TENM2: variants seen among roughly 807,000 people sequenced by gnomAD.
The protein encoded by TENM2 is teneurin transmembrane protein 2.
In TENM2, 52 loss-of-function variants were observed where a neutral mutation model predicts 245.2. The ratio of observed to expected loss-of-function variants is 0.21; its 90% CI spans 0.17 to 0.27. The LOEUF (loss-of-function observed/expected upper bound fraction) is 0.27. TENM2 is among the 10% of genes least tolerant of loss of function. The pLI, the probability that TENM2 is intolerant of heterozygous loss-of-function variation, is 1.00. For synonymous variants in TENM2, 1,363 were observed against 1,438.9 expected, an observed-to-expected ratio of 0.95 and a Z score of 1.19; for missense variants, 3,046 against 3,666.8, an observed-to-expected ratio of 0.83 and a Z score of 4.37.
At chr5:168,146,366 G>C (rs543072125) in intron 12 of TENM2, among the ~76,000 whole-genome samples, 7 of 152,248 alleles carry the variant, frequency 4.6e-5, no homozygotes, top group Non-Finnish European at 7.4e-5. Flanking sequence ...ATATTAACCT[G>C]GTAGAAGAGA....
intron 2 of TENM2, among the ~76,000 whole-genome samples, chr5:167,385,533 TGGAGAACA>T (rs1193873875): frequency 4.6e-5 from 7 of 151,586 alleles, no homozygotes; most frequent in Admixed American, 6.6e-5. Context: ...CATAGGTTAT[TGGAGAACA>T]GGTGGTGTTT....
intron 2 of TENM2, among the ~76,000 whole-genome samples, chr5:167,533,264 G>A (rs186447102): frequency 1.8e-4 from 27 of 152,226 alleles, no homozygotes; most frequent in African/African-American, 2.4e-4. Flanking sequence ...TGGATAACCC[G>A]AAAAACAAGC....
chr5:168,081,773 G>T (rs1484392168), intron 7 of TENM2, among the ~76,000 whole-genome samples: 1 of 152,172 alleles, frequency 6.6e-6, no homozygotes, highest in Non-Finnish European at 1.5e-5. Context: ...CTCTCTTCTG[G>T]CTTGTAGAGT....
rs2127794580 is a variant in TENM2 at position 167,332,908 on chromosome 5, G to A, written c.227-42290G>A. Among the ~76,000 whole-genome samples, 4 of 152,258 alleles carry A rather than the reference G, an allele frequency of 2.6e-5. No individual in the cohort carries two copies. The South Asian group carries it at 8.3e-4, about 32-fold the overall frequency. ...AGAAGATACTGGCTATAGAGGTTAT[G>A]GCTGAGTCCCAAACTGAAGAGACAA... On this transcript the variant is annotated intron_variant, in intron 1 of 28. Coordinates refer to ENST00000518659, the Ensembl canonical transcript of TENM2.
chr5:167,170,534 G>A, the TENM2 span, among the ~76,000 whole-genome samples: 13 of 152,188 alleles, frequency 8.5e-5, no homozygotes, highest in African/African-American at 2.4e-4. Flanking sequence ...GGCATGTCAC[G>A]TATCATGTAA....
chr5:167,885,917 A>G (rs2151434724), intron 3 of TENM2, among the ~76,000 whole-genome samples: 1 of 152,278 alleles, frequency 6.6e-6, no homozygotes, highest in Admixed American at 6.5e-5. Context: ...TCCTGACCTC[A>G]GGTGATCCAC....
At chr5:167,027,238 G>A in the TENM2 span, among the ~76,000 whole-genome samples, 1 of 152,114 alleles carries the variant, frequency 6.6e-6, no homozygotes, top group African/African-American at 2.4e-5. Flanking sequence ...ACATTTTGAA[G>A]TTTTGAGAGT....
At chr5:167,811,051 G>T (rs537382984) in intron 2 of TENM2, among the ~76,000 whole-genome samples, 1 of 152,256 alleles carries the variant, frequency 6.6e-6, no homozygotes, top group Admixed American at 6.5e-5. Flanking sequence ...GAACAGAATT[G>T]AGAAGAATCT....
At chr5:167,298,661 AACAGGTATT>A (rs200536286) in intron 1 of TENM2, among the ~76,000 whole-genome samples, 1,675 of 152,328 alleles carry the variant, frequency 0.011, 37 homozygotes, top group African/African-American at 0.038. Context: ...GAAGGAGAAA[AACAGGTATT>A]AAAGGTCTAA....
rs140627514 is a variant in TENM2 at position 167,934,878 on chromosome 5, G to A, written c.713-17710G>A. The A allele has an allele frequency of 2.0e-4, 197 of 985,518 alleles. 1 individual carries two copies. In the African/African-American group the frequency reaches 2.8e-3, roughly 14 times the overall value. The allele number at this position is 985,518 out of a possible 1,614,324, so 61.0% of individuals were successfully genotyped here. A position where few individuals can be genotyped will look rare whatever the true frequency, so the allele number is the denominator to read the frequency against. ...AGGAGGCTTAGCTTAGTACGCGTTC[G>A]GCAGGACGGGTGTGCAGGCTGCACT... On this transcript the variant is annotated intron_variant, in intron 3 of 28. Coordinates refer to ENST00000518659, the Ensembl canonical transcript of TENM2.
rs774214120 is a variant in TENM2, at chr5:168,203,669, C to A, written c.3431-20C>A. On this transcript the variant is annotated intron_variant, in intron 17 of 28. Transcript: ENST00000518659. ...ACTCTCTCTTTTCTCTCACTCTGCC[C>A]CACCCCTTTTATCTTTCAGTGTCTG... 6.3e-7 allele frequency: 1 copy of A among 1,581,484 alleles called. No individual in the cohort carries two copies. Among genetic ancestry groups the A allele is most frequent in the South Asian group, 1.1e-5 (1 of 87,724 alleles).
intron 5 of TENM2, among the ~76,000 whole-genome samples, chr5:168,001,031 T>C (rs1035177595): frequency 7.9e-5 from 12 of 150,994 alleles, no homozygotes; most frequent in African/African-American, 2.9e-4. Flanking sequence ...CAGCGCTTTG[T>C]AGGCAATCAG....
chr5:167,012,586 G>A, the TENM2 span, among the ~76,000 whole-genome samples: 1 of 152,150 alleles, frequency 6.6e-6, no homozygotes, highest in Non-Finnish European at 1.5e-5. Flanking sequence ...ACCACACATG[G>A]GAATTTTGTC....
intron 27 of TENM2, among the ~76,000 whole-genome samples, chr5:168,253,887 C>A (rs1196499158): frequency 6.6e-6 from 1 of 152,248 alleles, no homozygotes; most frequent in Non-Finnish European, 1.5e-5. Flanking sequence ...ATTGCTTTAG[C>A]AAAGCCCCAG....
chr5:167,887,991 C>T (rs1011271111), intron 3 of TENM2, among the ~76,000 whole-genome samples: 2 of 152,108 alleles, frequency 1.3e-5, no homozygotes, highest in African/African-American at 4.8e-5. Flanking sequence ...CTTCTCCCTG[C>T]GTGTGTCTGT....
chr5:167,702,825 C>T (rs1196736462), intron 2 of TENM2, among the ~76,000 whole-genome samples: 1 of 151,928 alleles, frequency 6.6e-6, no homozygotes, highest in Non-Finnish European at 1.5e-5. Flanking sequence ...CCACCATGCC[C>T]AGGTAATTTT....
chr5:167,288,514 G>C (rs1354087470), intron 1 of TENM2, among the ~76,000 whole-genome samples: 2 of 149,992 alleles, frequency 1.3e-5, no homozygotes, highest in African/African-American at 4.9e-5. Flanking sequence ...AGCGGAGATC[G>C]CGCCACTGCA....
intron 2 of TENM2, among the ~76,000 whole-genome samples, chr5:167,477,077 A>G (rs565494446): frequency 2.5e-4 from 38 of 152,316 alleles, no homozygotes; most frequent in Admixed American, 7.8e-4. Flanking sequence ...ACTTTTCCTC[A>G]AGGCAACTAT....
In TENM2 at chr5:167,492,061, T is replaced by C. The variant is rs551699733; in HGVS notation, c.502+116588T>C. On this transcript the variant is annotated intron_variant, in intron 2 of 28. Transcript: ENST00000518659. ...TTAAAGGTTAAAAGAGTTTCTTCAA[T>C]GTAAAACTTATTGCTCTATGTTGAG... Among the ~76,000 whole-genome samples, 8 of 152,312 alleles carry C rather than the reference T, an allele frequency of 5.3e-5. No individual in the cohort carries two copies. In the South Asian group the frequency reaches 1.4e-3, roughly 28 times the overall value.
Sources: gnomAD v4.1 joint callset for allele counts (sites outside exome capture counted in the v4.1 genomes callset) on GRCh38, gnomAD v4.1.1 for gene constraint, MANE v1.5 for transcripts, NCBI Gene and HGNC (gene_info 2026-07-23, HGNC 2026-07-21) for gene names.